Variants in ADGRL2 observed in about 807,000 individuals in gnomAD.
ADGRL2 encodes the protein adhesion G protein-coupled receptor L2, also known as calcium-independent alpha-latrotoxin receptor 2.
Under a neutral mutation model 157.4 loss-of-function variants are expected in ADGRL2, and 44 were observed. The ratio of observed to expected loss-of-function variants is 0.28; its 90% CI spans 0.22 to 0.36. The LOEUF is 0.36. Ranked by LOEUF, ADGRL2 falls within the 10% of genes least tolerant of loss-of-function variation. The probability of loss-of-function intolerance (pLI) is 1.00; values close to 1 mark genes in which losing one functional copy is unlikely to be tolerated. For synonymous variants in ADGRL2, 585 were observed against 624.7 expected (o/e 0.94, Z 0.95); for missense variants, 1,510 against 1,768.9 (o/e 0.85, Z 2.63).
intron 2 of ADGRL2, among the ~76,000 whole-genome samples, chr1:81,546,301 C>T (rs977003567): frequency 2.0e-5 from 3 of 152,148 alleles, no homozygotes; most frequent in South Asian, 4.2e-4. Context: ...TATTTGGGAA[C>T]GCAAAGTCCG....
intron 9 of ADGRL2, among the ~76,000 whole-genome samples, 173 bp from the exon 10 acceptor site, chr1:81,952,813 TA>T (rs1466882249): frequency 2.0e-5 from 3 of 150,822 alleles, no homozygotes; most frequent in Admixed American, 2.0e-4. Flanking sequence ...TAAAATAGAA[TA>T]AAAAACTGTA....
intron 1 of ADGRL2, among the ~76,000 whole-genome samples, chr1:81,345,440 C>A (rs1009496411): frequency 1.3e-5 from 2 of 152,200 alleles, no homozygotes; most frequent in Non-Finnish European, 2.9e-5. Flanking sequence ...GCCATGCATT[C>A]TGCTACATTG....
intron 1 of ADGRL2, among the ~76,000 whole-genome samples, chr1:81,747,205 A>ATG (rs1339476645): frequency 1.4e-4 from 20 of 147,638 alleles, no homozygotes; most frequent in Admixed American, 2.7e-4. Context: ...GCATGTATAT[A>ATG]TATGTATGTG....
chr1:81,638,295 A>C (rs1167089750), intron 3 of ADGRL2, among the ~76,000 whole-genome samples: 1 of 152,218 alleles, frequency 6.6e-6, no homozygotes, highest in Non-Finnish European at 1.5e-5. Context: ...TTTAGAGAAA[A>C]GGAAAATGAG....
At chr1:81,742,383 T>C (rs1381071113) in intron 1 of ADGRL2, among the ~76,000 whole-genome samples, 1 of 152,006 alleles carries the variant, frequency 6.6e-6, no homozygotes, top group Non-Finnish European at 1.5e-5. Context: ...CTTCCATTAG[T>C]GGAAAAAAGA....
rs1305680472 is a variant in ADGRL2 at position 81,943,637 on chromosome 1, GTTCCC to G, written c.1084_1088del (p.Phe362GlnfsTer16). On this transcript the variant is annotated frameshift_variant, in exon 6 of 24. Coordinates refer to ENST00000686636, the MANE Select transcript of ADGRL2 (RefSeq NM_001366006.2). LOFTEE classifies it high-confidence loss of function. This position sits in a 1 kb window ranked among gnomAD's most constrained non-coding sequence, Gnocchi z 5.6. ...ATTAAACCGAGGAGAATATGTAGAT[GTTCCC>G]TTCCCCAACCAGTATCAGTATATTG... 1.2e-6 allele frequency: 2 copies of G among 1,613,534 alleles called. No homozygotes were observed. Among genetic ancestry groups the G allele is most frequent in the Non-Finnish European group, 1.7e-6 (2 of 1,179,698 alleles).
At chr1:81,911,897 G>A (rs1024380938) in intron 3 of ADGRL2, among the ~76,000 whole-genome samples, 15 of 132,070 alleles carry the variant, frequency 1.1e-4, no homozygotes, top group African/African-American at 1.7e-4. Flanking sequence ...TTTTTTTTGC[G>A]GGGGGATGGA....
intron 1 of ADGRL2, among the ~76,000 whole-genome samples, chr1:81,805,869 G>A (rs1322056233): frequency 1.3e-5 from 2 of 151,958 alleles, no homozygotes; most frequent in South Asian, 2.1e-4. Context: ...TCTAAAAATT[G>A]TCTTGAAAAC....
upstream of ADGRL2, among the ~76,000 whole-genome samples, chr1:81,795,659 T>C (rs1006260203): frequency 4.6e-5 from 7 of 152,318 alleles, no homozygotes; most frequent in East Asian, 7.7e-4. Context: ...TACAGTGAAC[T>C]ATGACATGAA....
intron 1 of ADGRL2, among the ~76,000 whole-genome samples, chr1:81,747,164 T>G (rs1296013551): frequency 7.9e-6 from 1 of 127,034 alleles, no homozygotes; most frequent in Non-Finnish European, 1.8e-5. Flanking sequence ...TATATGTATG[T>G]GTGTATATAT....
In ADGRL2 at chr1:81,821,158, AAT is replaced by A. The variant is rs145790539; in HGVS notation, c.-100-15724_-100-15723del. Among the ~76,000 whole-genome samples the A allele has an allele frequency of 3.0e-3, 464 of 152,310 alleles. 6 individuals are homozygous for A. The highest frequency in any genetic ancestry group is 0.011 in the African/African-American group (446 of 41,570). ...TATTTAACTAGTTAAGGAAACTAAA[AAT>A]ATGACATCCTTAAAAAGACATTTTT... On this transcript the variant is annotated intron_variant, in intron 1 of 23. Transcript: ENST00000686636.
chr1:81,700,068 C>T (rs976815489), intron 1 of ADGRL2, among the ~76,000 whole-genome samples: 5 of 152,110 alleles, frequency 3.3e-5, no homozygotes, highest in Admixed American at 6.5e-5. Flanking sequence ...TGTGTGGTAA[C>T]GGGTGATTTC....
intron 2 of ADGRL2, among the ~76,000 whole-genome samples, chr1:81,531,367 A>G (rs1273294581): frequency 6.6e-6 from 1 of 152,208 alleles, no homozygotes; most frequent in Non-Finnish European, 1.5e-5. Context: ...TGTTTGAGAA[A>G]TTATATAACT....
chr1:81,598,253 A>G (rs927731655), intron 3 of ADGRL2, among the ~76,000 whole-genome samples: 26 of 152,230 alleles, frequency 1.7e-4, no homozygotes, highest in African/African-American at 6.3e-4. Flanking sequence ...AGAGTTACAC[A>G]GCTAATATTG....
intron 1 of ADGRL2, among the ~76,000 whole-genome samples, chr1:81,716,248 AG>A (rs1426895264): frequency 3.9e-5 from 6 of 152,176 alleles, no homozygotes; most frequent in Non-Finnish European, 8.8e-5. Flanking sequence ...GCAGGCAGAG[AG>A]ATGTGTGCTT....
At chr1:81,495,879 A>G (rs1322112332) in intron 2 of ADGRL2, among the ~76,000 whole-genome samples, 1 of 152,156 alleles carries the variant, frequency 6.6e-6, no homozygotes, top group African/African-American at 2.4e-5. Context: ...TACAGTTTCT[A>G]GATTTCTAGT....
At chr1:81,321,806 A>G (rs191908791) in intron 1 of ADGRL2, among the ~76,000 whole-genome samples, 234 of 150,454 alleles carry the variant, frequency 1.6e-3, no homozygotes, top group African/African-American at 5.4e-3. Flanking sequence ...AATGTGACAC[A>G]AAGATATGAA....
chr1:81,609,817 T>C (rs2081504353), intron 3 of ADGRL2, among the ~76,000 whole-genome samples: 1 of 152,254 alleles, frequency 6.6e-6, no homozygotes, highest in African/African-American at 2.4e-5. Context: ...GAGTTTTCTC[T>C]CAATATCTTG....
At chr1:81,433,835 G>A (rs1350637585) in intron 1 of ADGRL2, among the ~76,000 whole-genome samples, 1 of 152,182 alleles carries the variant, frequency 6.6e-6, no homozygotes. Context: ...CAGTCAGATA[G>A]CAGCAGGAAC....
Sources: allele counts gnomAD v4.1 joint callset (sites outside exome capture counted in the v4.1 genomes callset), GRCh38; gene constraint gnomAD v4.1.1; non-coding constraint Gnocchi (gnomAD v3.1); transcripts MANE v1.5; gene names NCBI Gene and HGNC (gene_info 2026-07-23, HGNC 2026-07-21).